The following FMO3 variants were observed in gnomAD, a reference collection of about 807,000 sequenced individuals.
FMO3 encodes flavin containing dimethylaniline monoxygenase 3.
FMO3 carries 40 observed loss-of-function variants against 39.4 expected under a neutral mutation model. That is an observed-to-expected ratio of 1.02 (90% CI 0.79 to 1.32). The LOEUF is 1.32. Among genes scored for constraint, FMO3 ranks in the 40% most tolerant of loss-of-function variants. FMO3 has a pLI of 0.00. For synonymous variants in FMO3, 219 were observed against 228.8 expected (o/e 0.96, Z 0.39); for missense variants, 680 against 651.8 (o/e 1.04, Z -0.47).
intron 3 of FMO3, among the ~76,000 whole-genome samples, chr1:171,106,892 G>C (rs1025208483): frequency 6.6e-6 from 1 of 151,988 alleles, no homozygotes; most frequent in African/African-American, 2.4e-5. Context: ...TTATCCCACA[G>C]TTATTCTAAA....
intron 2 of FMO3, among the ~76,000 whole-genome samples, chr1:171,096,025 A>ATATTTAAATATATAATATATATT (rs1491256935): frequency 2.2e-5 from 1 of 45,972 alleles, no homozygotes; most frequent in African/African-American, 9.8e-5. Context: ...ATTATATATT[A>ATATTTAAATATATAATATATATT]ATATATAATA....
chr1:171,112,132 G>A (rs954619174), intron 6 of FMO3, among the ~76,000 whole-genome samples: 4 of 152,092 alleles, frequency 2.6e-5, no homozygotes, highest in Admixed American at 2.6e-4. Flanking sequence ...ACAACAATGG[G>A]GCTTCTCTTC....
chr1:171,096,330 AAAATATATAAATATATAT>A (rs1259819595), intron 2 of FMO3, among the ~76,000 whole-genome samples: 6 of 96,156 alleles, frequency 6.2e-5, no homozygotes, highest in Non-Finnish European at 1.1e-4. Flanking sequence ...TATAATATAT[AAAATATATAAATATATAT>A]AAATATATAA....
intron 2 of FMO3, among the ~76,000 whole-genome samples, chr1:171,096,636 T>TCA (rs1655086144): frequency 1.4e-5 from 1 of 72,414 alleles, no homozygotes; most frequent in Non-Finnish European, 2.5e-5. Context: ...CTTTATATAT[T>TCA]AAATACATAA....
chr1:171,111,008 G>A lies in FMO3; in HGVS notation c.827+11G>A. ...GATGCCTTTAAATGGGTAATGCAGA[G>A]CTAAACGTGATATGCCTGCTGGCTT... On this transcript the variant is annotated intron_variant, in intron 6 of 8. Transcript: ENST00000367755. The A allele has an allele frequency of 6.2e-7, 1 of 1,607,746 alleles. No individual in the cohort carries two copies. The highest frequency in any genetic ancestry group is 8.5e-7 in the Non-Finnish European group (1 of 1,174,876).
Position 171,117,116 on chromosome 1 carries a change from AC to A in FMO3, c.1275del (p.Ile426TyrfsTer62). On this transcript the variant is annotated frameshift_variant, in exon 9 of 9. Coordinates refer to ENST00000367755, the MANE Select transcript of FMO3 (RefSeq NM_001002294.3). LOFTEE classifies it low-confidence loss of function (END_TRUNC). ...CATCTCCAGGTTTGGCAAAAGCGAG[AC>A]CATACAGACAGATTACATTGTTTAT... Reference protein sequence around the residue: ...KKRKWFGKSETIQTDYIVYMD... With the variant: ...KKRKWFGKSEXIQTDYIVYMD... 6.2e-7 allele frequency: 1 copy of A among 1,614,028 alleles called. No homozygotes were observed.
chr1:171,107,310 T>C (rs1655687371), intron 3 of FMO3, among the ~76,000 whole-genome samples: 1 of 152,216 alleles, frequency 6.6e-6, no homozygotes, highest in African/African-American at 2.4e-5. Flanking sequence ...ACATCTATCT[T>C]TGAGTTATCT....
Position 171,092,748 on chromosome 1 carries a change from C to G in FMO3, c.90C>G (p.Cys30Trp). 6.2e-7 allele frequency: 1 copy of G among 1,614,036 alleles called. No individual in the cohort carries two copies. Among genetic ancestry groups the G allele is most frequent in the South Asian group, 1.1e-5 (1 of 91,078 alleles). The part of the protein sequence containing the change: ...SCLEEGLEPT[C>W]FEKSNDIGGL... ...TGGAAGAGGGGCTGGAGCCCACCTG[C>G]TTTGAGAAGAGCAATGACATTGGGG... Residue 30 changes from cysteine to tryptophan, a missense_variant, in exon 2 of 9, where the codon TGC becomes TGG. Transcript: ENST00000367755.
Position 171,117,285 on chromosome 1 carries a change from G to A in FMO3, c.1442G>A (p.Gly481Glu). The change falls in exon 9 of 9, where the codon GGA becomes GAA. Residue 481 changes from glycine to glutamate, a missense_variant. Gly to Glu is a moderately conservative substitution (Grantham distance 98, BLOSUM62 -2). Transcript: ENST00000367755. Reference protein sequence around the residue: ...FRLVGPGQWPGARNAILTQWD... With the variant: ...FRLVGPGQWPEARNAILTQWD... Reference sequence around the variant, plus strand: ...CTGGTGGGCCCAGGGCAGTGGCCAGGAGCCAGAAATGCCATACTGACCCAG... The same window carrying A: ...CTGGTGGGCCCAGGGCAGTGGCCAGAAGCCAGAAATGCCATACTGACCCAG... 6.2e-7 allele frequency: 1 copy of A among 1,614,208 alleles called. No individual in the cohort carries two copies. The highest frequency in any genetic ancestry group is 8.5e-7 in the Non-Finnish European group (1 of 1,180,024).
At chr1:171,093,897 C>T (rs1352362937) in intron 2 of FMO3, among the ~76,000 whole-genome samples, 3 of 140,688 alleles carry the variant, frequency 2.1e-5, no homozygotes, top group Non-Finnish European at 3.0e-5. Context: ...GGCAGTGGCG[C>T]CATCTCAGTT....
intron 1 of FMO3, 137 bp from the exon 2 acceptor site, chr1:171,092,516 C>G: frequency 1.0e-6 from 1 of 978,138 alleles, no homozygotes; most frequent in Non-Finnish European, 1.5e-6. Flanking sequence ...CAGGCGTGAG[C>G]TACCATACTC....
Position 171,114,164 on chromosome 1 carries a change from A to G in FMO3, c.985A>G (p.Thr329Ala), listed in dbSNP as rs1656038148. Residue 329 changes from threonine to alanine, a missense_variant, in exon 7 of 9, where the codon ACA (threonine) becomes GCA (alanine). Coordinates refer to ENST00000367755, the MANE Select transcript of FMO3 (RefSeq NM_001002294.3). Reference sequence around the variant, plus strand: ...GGGCATTGACTGTGTAATCTTTGCAACAGGGTATAGTTTTGCCTACCCCTT... The same window carrying G: ...GGGCATTGACTGTGTAATCTTTGCAGCAGGGTATAGTTTTGCCTACCCCTT... ...FEGIDCVIFATGYSFAYPFLD... is the reference protein window; with the variant it reads ...FEGIDCVIFAAGYSFAYPFLD... The G allele has an allele frequency of 6.2e-7, 1 of 1,614,066 alleles. No individual in the cohort carries two copies. The highest frequency in any genetic ancestry group is 8.5e-7 in the Non-Finnish European group (1 of 1,179,956).
intron 2 of FMO3, among the ~76,000 whole-genome samples, chr1:171,093,674 A>G (rs1654818327): frequency 6.6e-6 from 1 of 151,766 alleles, no homozygotes; most frequent in Non-Finnish European, 1.5e-5. Context: ...TTTTTATATA[A>G]TGACTTCTTT....
In FMO3 at chr1:171,093,895, C is replaced by T. The variant is rs1026955570; in HGVS notation, c.132+1105C>T. Among the ~76,000 whole-genome samples, 4 of 129,234 alleles carry T rather than the reference C, an allele frequency of 3.1e-5. No individual in the cohort carries two copies. The South Asian group carries it at 7.6e-4, about 24-fold the overall frequency. The allele number at this position is 129,234 out of a possible 152,430, so 84.8% of individuals were successfully genotyped here. A position where few individuals can be genotyped will look rare whatever the true frequency, so the allele number is the denominator to read the frequency against. On this transcript the variant is annotated intron_variant, in intron 2 of 8. Transcript: ENST00000367755. ...TGTCTCCCAGGCTGGAGGGCAGTGG[C>T]GCCATCTCAGTTCACTGCAGCCTCC...
intron 2 of FMO3, among the ~76,000 whole-genome samples, chr1:171,093,751 T>A (rs1795248): frequency 1.3e-5 from 2 of 150,638 alleles, no homozygotes; most frequent in African/African-American, 4.9e-5. Context: ...TAATTCTTTG[T>A]GAAATCTCCA....
chr1:171,109,837 C>T (rs28363558), intron 5 of FMO3, among the ~76,000 whole-genome samples: 2,975 of 152,066 alleles, frequency 0.02, 40 homozygotes, highest in Middle Eastern at 0.051. Context: ...CCACCATGCC[C>T]GGACTCCTTT....
chr1:171,094,267 G>T (rs1363081666), intron 2 of FMO3, among the ~76,000 whole-genome samples: 2 of 151,380 alleles, frequency 1.3e-5, no homozygotes, highest in African/African-American at 4.9e-5. Flanking sequence ...GTCTTTTTTT[G>T]AAAAATGCTT....
Position 171,092,769 on chromosome 1 carries a change from T to C in FMO3, c.111T>C (p.Ile37=), listed in dbSNP as rs1454117031. 6.2e-7 allele frequency: 1 copy of C among 1,613,810 alleles called. No individual in the cohort carries two copies. Among genetic ancestry groups the C allele is most frequent in the Non-Finnish European group, 8.5e-7 (1 of 1,179,980 alleles). The stretch of plus-strand genomic sequence containing the variant: ...CCTGCTTTGAGAAGAGCAATGACAT[T>C]GGGGGCCTGTGGAAATTTTCAGTGA... ...EPTCFEKSND[I]GGLWKFSDHA... The change falls in exon 2 of 9, where the codon ATT becomes ATC. Residue 37 remains isoleucine, a synonymous_variant. Coordinates refer to ENST00000367755, the MANE Select transcript of FMO3 (RefSeq NM_001002294.3).
chr1:171,113,632 A>G (rs1353476036), intron 6 of FMO3, among the ~76,000 whole-genome samples: 3 of 152,252 alleles, frequency 2.0e-5, no homozygotes, highest in Non-Finnish European at 4.4e-5. Context: ...TTTAAAAAAC[A>G]TAATCTCATC....
Sources: allele counts gnomAD v4.1 joint callset (sites outside exome capture counted in the v4.1 genomes callset), GRCh38; gene constraint gnomAD v4.1.1; transcripts MANE v1.5; gene names NCBI Gene and HGNC (gene_info 2026-07-23, HGNC 2026-07-21).